Variants in COX7B2 observed in about 807,000 individuals in gnomAD.
COX7B2 encodes the protein cytochrome c oxidase subunit 7B2, mitochondrial.
For missense variants in COX7B2, 109 were observed against 95.9 expected (o/e 1.14, Z -0.57); for synonymous variants, 37 against 32.1 (o/e 1.15, Z -0.51).
intron 2 of COX7B2, among the ~76,000 whole-genome samples, chr4:46,810,911 G>C (rs1719253903): frequency 6.6e-6 from 1 of 152,070 alleles, no homozygotes; most frequent in African/African-American, 2.4e-5. Context: ...GCTTTGCTAG[G>C]TATACTACTC....
At chr4:46,755,590 T>A (rs1027316275) in intron 2 of COX7B2, among the ~76,000 whole-genome samples, 3 of 152,040 alleles carry the variant, frequency 2.0e-5, no homozygotes, top group African/African-American at 7.2e-5. Flanking sequence ...CAAAAAATTC[T>A]CAGATTTGAC....
chr4:46,792,337 C>G (rs1186230047), intron 2 of COX7B2, among the ~76,000 whole-genome samples: 1 of 152,158 alleles, frequency 6.6e-6, no homozygotes, highest in African/African-American at 2.4e-5. Context: ...AATTTTACTT[C>G]TGGGTTTGTT....
chr4:46,786,019 C>A lies in COX7B2; in HGVS notation c.-49-50778G>T, dbSNP rs576558918. Among the ~76,000 whole-genome samples, 17 of 152,116 alleles carry A rather than the reference C, an allele frequency of 1.1e-4. No homozygotes were observed. In the East Asian group the frequency reaches 3.3e-3, roughly 29 times the overall value. On this transcript the variant is annotated intron_variant, in intron 2 of 2. Coordinates refer to ENST00000355591, the MANE Select transcript of COX7B2 (RefSeq NM_130902.3). ...ATGCAATAGATAGAAGCTGCTAGTT[C>A]TTTTTTTGAAATTCAAAATAGTTCT...
intron 2 of COX7B2, among the ~76,000 whole-genome samples, chr4:46,775,260 T>A (rs1403978516): frequency 6.6e-6 from 1 of 152,136 alleles, no homozygotes; most frequent in Non-Finnish European, 1.5e-5. Context: ...TATAAGGCAG[T>A]ATTTTGCAAA....
At chr4:46,901,078 A>G (rs895478932) in intron 1 of COX7B2, among the ~76,000 whole-genome samples, 3 of 152,222 alleles carry the variant, frequency 2.0e-5, no homozygotes, top group Admixed American at 1.3e-4. Context: ...ATCTGCTTAT[A>G]AATTCAGATT....
intron 2 of COX7B2, among the ~76,000 whole-genome samples, chr4:46,835,718 A>C (rs1022885268): frequency 3.3e-5 from 5 of 152,206 alleles, no homozygotes; most frequent in Non-Finnish European, 7.3e-5. Context: ...TGTCTGAAAA[A>C]ATATAAATAA....
chr4:46,781,845 C>T (rs553297354), intron 2 of COX7B2, among the ~76,000 whole-genome samples: 9 of 152,344 alleles, frequency 5.9e-5, no homozygotes, highest in East Asian at 5.8e-4. Context: ...AGAGGATGTG[C>T]GGGGTCCCTC....
chr4:46,819,997 C>G (rs1216127789), intron 2 of COX7B2, among the ~76,000 whole-genome samples: 1 of 152,160 alleles, frequency 6.6e-6, no homozygotes, highest in East Asian at 1.9e-4. Flanking sequence ...ATATGACCCC[C>G]AACATTTTTG....
At chr4:46,856,172 A>C (rs1246673871) in intron 1 of COX7B2, among the ~76,000 whole-genome samples, 1 of 152,108 alleles carries the variant, frequency 6.6e-6, no homozygotes, top group Non-Finnish European at 1.5e-5. Flanking sequence ...TGAACCTGGG[A>C]AGTGGAGGTT....
intron 2 of COX7B2, among the ~76,000 whole-genome samples, chr4:46,767,859 T>C (rs183544874): frequency 1.0e-3 from 158 of 152,356 alleles, no homozygotes; most frequent in African/African-American, 3.6e-3. Context: ...TTTATAGTGA[T>C]AATGAGGTGG....
At chr4:46,901,996 T>C (rs1443054334) in intron 1 of COX7B2, among the ~76,000 whole-genome samples, 2 of 152,218 alleles carry the variant, frequency 1.3e-5, no homozygotes, top group Non-Finnish European at 2.9e-5. Flanking sequence ...GCCTCCACAA[T>C]TGCATTAGAC....
At chr4:46,858,609 C>A (rs2350889) in intron 1 of COX7B2, among the ~76,000 whole-genome samples, 58,548 of 151,906 alleles carry the variant, frequency 0.39, 11,395 homozygotes, top group South Asian at 0.49. Flanking sequence ...AGGTTGAGAC[C>A]CCGTAGAAGG....
intron 1 of COX7B2, among the ~76,000 whole-genome samples, chr4:46,866,219 TC>T (rs1560427090): frequency 6.6e-6 from 1 of 152,006 alleles, no homozygotes; most frequent in Non-Finnish European, 1.5e-5. Context: ...GACGGAAGTA[TC>T]CCCCCTTCTG....
intron 2 of COX7B2, among the ~76,000 whole-genome samples, chr4:46,742,526 C>T (rs12649448): frequency 0.18 from 27,433 of 151,934 alleles, 3,244 homozygotes; most frequent in Non-Finnish European, 0.27. Flanking sequence ...GAAGCAATGC[C>T]GCTGGTAAAA....
chr4:46,767,461 C>A (rs1716611374), intron 2 of COX7B2, among the ~76,000 whole-genome samples: 2 of 152,054 alleles, frequency 1.3e-5, no homozygotes, highest in African/African-American at 2.4e-5. Context: ...CATAAAACAT[C>A]AATAAAGAAA....
At chr4:46,786,293 C>T (rs1440433531) in intron 2 of COX7B2, among the ~76,000 whole-genome samples, 1 of 152,166 alleles carries the variant, frequency 6.6e-6, no homozygotes, top group Non-Finnish European at 1.5e-5. Context: ...TGATGATACT[C>T]ATGTACCTAT....
chr4:46,741,428 A>T (rs1460947717), intron 2 of COX7B2, among the ~76,000 whole-genome samples: 1 of 152,092 alleles, frequency 6.6e-6, no homozygotes, highest in East Asian at 1.9e-4. Flanking sequence ...AAATGTCTCC[A>T]GACCTTGCTA....
At chr4:46,905,769 C>T (rs1720339618) in intron 1 of COX7B2, among the ~76,000 whole-genome samples, 1 of 143,864 alleles carries the variant, frequency 7.0e-6, no homozygotes, top group Non-Finnish European at 1.5e-5. Flanking sequence ...AAGGTGGACT[C>T]TATCTTACAA....
At chr4:46,882,485 A>G (rs1325526849) in intron 1 of COX7B2, among the ~76,000 whole-genome samples, 1 of 152,152 alleles carries the variant, frequency 6.6e-6, no homozygotes, top group Non-Finnish European at 1.5e-5. Context: ...CTTGCATCGC[A>G]TGCATACATA....
Sources: gnomAD v4.1 joint callset for allele counts (sites outside exome capture counted in the v4.1 genomes callset) on GRCh38, gnomAD v4.1.1 for gene constraint, MANE v1.5 for transcripts, NCBI Gene and HGNC (gene_info 2026-07-23, HGNC 2026-07-21) for gene names.